GRK4: variants seen among roughly 807,000 people sequenced by gnomAD.
GRK4 encodes the protein G protein-coupled receptor kinase 2-like.
A neutral mutation model predicts 77.9 loss-of-function variants in GRK4; 73 were observed. That is an observed-to-expected ratio of 0.94 (90% CI 0.78 to 1.14). The LOEUF is 1.14. Among genes scored for constraint, GRK4 ranks in the 50% most tolerant of loss-of-function variants. The probability of loss-of-function intolerance (pLI) is 0.00; values close to 1 mark genes in which losing one functional copy is unlikely to be tolerated. For missense variants in GRK4, 729 were observed against 700.2 expected (o/e 1.04, Z -0.46); for synonymous variants, 257 against 254.4 (o/e 1.01, Z -0.10).
At chr4:2,974,151 T>C (rs1385507847) in intron 1 of GRK4, among the ~76,000 whole-genome samples, 2 of 152,222 alleles carry the variant, frequency 1.3e-5, no homozygotes, top group Non-Finnish European at 2.9e-5. Context: ...CCGGCTCTCA[T>C]TTACTCTTTA....
intron 2 of GRK4, among the ~76,000 whole-genome samples, chr4:2,986,354 C>CTTTTT (rs36001597): frequency 5.5e-5 from 4 of 73,256 alleles, no homozygotes; most frequent in East Asian, 3.9e-4. Flanking sequence ...AAGGTGTTAT[C>CTTTTT]TTTTTTTTTT....
At chr4:3,027,862 G>A in intron 10 of GRK4, 50 bp from the exon 11 acceptor site, 1 of 1,470,646 alleles carries the variant, frequency 6.8e-7, no homozygotes, top group Non-Finnish European at 9.5e-7. Context: ...TGTTGTTACG[G>A]TGTCATTACT....
chr4:3,016,528 T>A (rs1734551263), intron 8 of GRK4, among the ~76,000 whole-genome samples: 1 of 118,650 alleles, frequency 8.4e-6, no homozygotes, highest in Non-Finnish European at 1.7e-5. Flanking sequence ...TGAGACTCAA[T>A]CTCCAAAAAA....
chr4:2,987,918 A>G (rs1175236729), intron 2 of GRK4, among the ~76,000 whole-genome samples: 2 of 151,902 alleles, frequency 1.3e-5, no homozygotes, highest in Non-Finnish European at 2.9e-5. Flanking sequence ...TCTACTAAAA[A>G]TACAAAAATT....
intron 4 of GRK4, among the ~76,000 whole-genome samples, chr4:2,998,934 G>A (rs1458899555): frequency 1.3e-5 from 2 of 152,086 alleles, no homozygotes; most frequent in Non-Finnish European, 2.9e-5. Context: ...GAATGTAGTT[G>A]GAGGACTCGC....
chr4:3,013,709 G>A lies in GRK4; in HGVS notation c.622G>A (p.Ala208Thr). ...FGEVCACQVR[A>T]TGKMYACKKL... ...CTAGGTTTGCGCCTGTCAAGTGCGA[G>A]CCACAGGAAAAATGTATGCCTGCAA... Residue 208 changes from alanine (A) to threonine (T), a missense_variant, in exon 8 of 16, where the codon GCC becomes ACC. Ala to Thr is a moderately conservative substitution (Grantham distance 58, BLOSUM62 0). Coordinates refer to ENST00000398052, the MANE Select transcript of GRK4 (RefSeq NM_182982.3). 1 of 1,612,028 alleles carries A rather than the reference G, an allele frequency of 6.2e-7. No individual in the cohort carries two copies. The highest frequency in any genetic ancestry group is 1.1e-5 in the South Asian group (1 of 90,562).
intron 1 of GRK4, among the ~76,000 whole-genome samples, chr4:2,981,665 G>A (rs1009599215): frequency 7.2e-5 from 11 of 152,226 alleles, no homozygotes; most frequent in South Asian, 4.1e-4. Context: ...TGATTGGTCC[G>A]TGGGCGGGCC....
At chr4:3,000,969 G>T (rs1293480334) in intron 4 of GRK4, among the ~76,000 whole-genome samples, 1 of 151,594 alleles carries the variant, frequency 6.6e-6, no homozygotes, top group African/African-American at 2.4e-5. Flanking sequence ...CAGGGTGTGT[G>T]TGTTTCAGTC....
intron 10 of GRK4, among the ~76,000 whole-genome samples, chr4:3,022,819 T>C (rs1277118533): frequency 6.6e-6 from 1 of 152,138 alleles, no homozygotes; most frequent in Non-Finnish European, 1.5e-5. Context: ...TCTGCATAGC[T>C]GGGACTACAG....
intron 4 of GRK4, 119 bp from the exon 5 acceptor site, chr4:3,004,112 A>C: frequency 1.3e-6 from 1 of 749,490 alleles, no homozygotes. Flanking sequence ...TCCAGGTGGC[A>C]CTTTGACTTT....
chr4:3,031,942 G>GTCCTTT (rs1412977786), intron 12 of GRK4, among the ~76,000 whole-genome samples: 23 of 152,128 alleles, frequency 1.5e-4, no homozygotes, highest in African/African-American at 5.3e-4. Context: ...TTATTCTGAT[G>GTCCTTT]TCCTTTTCAT....
chr4:2,990,342 C>T (rs920688149), intron 3 of GRK4, among the ~76,000 whole-genome samples: 3 of 150,600 alleles, frequency 2.0e-5, no homozygotes, highest in Non-Finnish European at 3.0e-5. Context: ...CTGCAACCTC[C>T]GCCTCCCAGG....
intron 1 of GRK4, among the ~76,000 whole-genome samples, chr4:2,983,977 C>T (rs566547840): frequency 1.8e-4 from 27 of 152,060 alleles, no homozygotes; most frequent in Admixed American, 1.5e-3. Context: ...CCCTCATTAT[C>T]GCAGGACAGC....
intron 12 of GRK4, among the ~76,000 whole-genome samples, chr4:3,030,124 A>G (rs1442855600): frequency 5.3e-5 from 8 of 152,230 alleles, no homozygotes; most frequent in Non-Finnish European, 1.2e-4. Context: ...TTGTAGTCCC[A>G]GAGACACTCT....
At chr4:2,964,874 G>T (rs967700874) in intron 1 of GRK4, among the ~76,000 whole-genome samples, 3 of 152,072 alleles carry the variant, frequency 2.0e-5, no homozygotes, top group African/African-American at 4.8e-5. Flanking sequence ...ATAAGATAAC[G>T]CTGTTCTGTT....
chr4:3,029,125 C>A, intron 11 of GRK4, 76 bp from the exon 12 acceptor site: 1 of 1,118,570 alleles, frequency 8.9e-7, no homozygotes, highest in Non-Finnish European at 1.3e-6. Flanking sequence ...TGAATGTATA[C>A]TGTGTTACTG....
At chr4:2,990,286 TG>T in intron 3 of GRK4, among the ~76,000 whole-genome samples, 1 of 146,396 alleles carries the variant, frequency 6.8e-6, no homozygotes, top group Non-Finnish European at 1.5e-5. Flanking sequence ...GACAGAGTTT[TG>T]CTCTTGTCCT....
At chr4:2,991,842 A>G (rs1726275656) in intron 3 of GRK4, among the ~76,000 whole-genome samples, 1 of 152,138 alleles carries the variant, frequency 6.6e-6, no homozygotes, top group African/African-American at 2.4e-5. Context: ...ACAATGTAAT[A>G]TGGCATACAG....
chr4:3,002,823 C>A lies in GRK4; in HGVS notation c.340-1408C>A, dbSNP rs141466351. On this transcript the variant is annotated intron_variant, in intron 4 of 15. Transcript: ENST00000398052. ...GCAATGAGCCGAGATTTTCTGTCTC[C>A]AAAAAAACCACAAAACTGAACATAT... Among the ~76,000 whole-genome samples the A allele has an allele frequency of 1.3e-5, 2 of 152,032 alleles. 1 individual carries two copies. Among genetic ancestry groups the A allele is most frequent in the Non-Finnish European group, 2.9e-5 (2 of 67,972 alleles).
Sources: allele counts gnomAD v4.1 joint callset (sites outside exome capture counted in the v4.1 genomes callset), GRCh38; gene constraint gnomAD v4.1.1; transcripts MANE v1.5; gene names NCBI Gene and HGNC (gene_info 2026-07-23, HGNC 2026-07-21).